Variants in WDFY3 observed in about 807,000 individuals in gnomAD.
The protein encoded by WDFY3 is WD repeat and FYVE domain-containing protein 3.
A neutral mutation model predicts 409.6 loss-of-function variants in WDFY3; 66 were observed. The observed-to-expected ratio is 0.16, with a 90% confidence interval of 0.13 to 0.20. The LOEUF is 0.20. Among genes scored for constraint, WDFY3 ranks in the 10% least tolerant of loss-of-function variants. The pLI, the probability that WDFY3 is intolerant of heterozygous loss-of-function variation, is 1.00. For synonymous variants in WDFY3, 1,521 were observed against 1,537.1 expected (o/e 0.99, Z 0.25); for missense variants, 3,031 against 4,298.1 (o/e 0.71, Z 8.24).
chr4:84,720,567 C>A (rs531746142), intron 47 of WDFY3, among the ~76,000 whole-genome samples: 12 of 152,014 alleles, frequency 7.9e-5, no homozygotes, highest in Non-Finnish European at 1.6e-4. Context: ...GTTGTCCTGG[C>A]GGTAATGAGT....
At chr4:84,901,889 T>C (rs956816998) in intron 2 of WDFY3, among the ~76,000 whole-genome samples, 13 of 152,360 alleles carry the variant, frequency 8.5e-5, no homozygotes, top group Non-Finnish European at 4.4e-5. Flanking sequence ...CAGGTTGATA[T>C]CTGAGGGTGA....
chr4:84,791,316 C>A (rs147241368), intron 21 of WDFY3, among the ~76,000 whole-genome samples: 1 of 152,108 alleles, frequency 6.6e-6, no homozygotes, highest in Admixed American at 6.6e-5. Flanking sequence ...ACATATACTG[C>A]GTGACTCCAC....
chr4:84,863,111 G>A (rs1487040054), intron 3 of WDFY3, among the ~76,000 whole-genome samples: 1 of 152,046 alleles, frequency 6.6e-6, no homozygotes, highest in Non-Finnish European at 1.5e-5. Context: ...GCTTTTCTTT[G>A]TCATTCTTCT....
At chr4:84,673,190 G>A (rs1725703256) in intron 67 of WDFY3, among the ~76,000 whole-genome samples, 199 bp from the exon 68 acceptor site, 1 of 151,988 alleles carries the variant, frequency 6.6e-6, no homozygotes, top group South Asian at 2.1e-4. Context: ...ATTAAACCAG[G>A]GAAGCTATTT....
intron 13 of WDFY3, 94 bp from the exon 14 acceptor site, chr4:84,810,438 T>C (rs1247977274): frequency 9.5e-7 from 1 of 1,054,908 alleles, no homozygotes; most frequent in East Asian, 2.7e-5. Context: ...GTACATTCTG[T>C]GAATCTGACA....
intron 2 of WDFY3, among the ~76,000 whole-genome samples, chr4:84,901,247 C>A (rs1450779541): frequency 1.3e-5 from 2 of 151,956 alleles, no homozygotes; most frequent in African/African-American, 4.9e-5. Context: ...CCAAAACTCA[C>A]GTTGAAATTT....
At chr4:84,906,645 C>T (rs1280276838) in intron 2 of WDFY3, among the ~76,000 whole-genome samples, 1 of 152,112 alleles carries the variant, frequency 6.6e-6, no homozygotes, top group Non-Finnish European at 1.5e-5. Flanking sequence ...AACCTATGCA[C>T]ATTTTCCTGT....
Position 84,822,590 on chromosome 4 carries a change from T to TCAGGAGGCTGAGG in WDFY3, c.1124-1052_1124-1040dup, listed in dbSNP as rs563521919. 4.2e-3 allele frequency among the ~76,000 whole-genome samples: 641 copies of TCAGGAGGCTGAGG among 152,150 alleles called. 5 individuals are homozygous for TCAGGAGGCTGAGG. The highest frequency in any genetic ancestry group is 0.014 in the African/African-American group (599 of 41,500). ...GGCATGTGCCTGTAGTTCTAGCTAC[T>TCAGGAGGCTGAGG]CAGGAGGCTGAGGCAGGAGGCTGAG... On this transcript the variant is annotated intron_variant, in intron 10 of 67. Transcript: ENST00000295888.
chr4:84,899,881 T>C (rs908902688), intron 2 of WDFY3, among the ~76,000 whole-genome samples: 2 of 151,540 alleles, frequency 1.3e-5, no homozygotes, highest in East Asian at 1.9e-4. Context: ...CAAAAAAAAA[T>C]TAAAAATTAA....
At chr4:84,930,433 C>T (rs182547688) in intron 2 of WDFY3, among the ~76,000 whole-genome samples, 4 of 152,132 alleles carry the variant, frequency 2.6e-5, no homozygotes, top group Admixed American at 2.6e-4. Context: ...TATAATAATA[C>T]CATGAGCTAC....
chr4:84,759,141 G>C (rs572177562), intron 32 of WDFY3, among the ~76,000 whole-genome samples: 27 of 152,146 alleles, frequency 1.8e-4, no homozygotes, highest in African/African-American at 5.5e-4. Flanking sequence ...TCTGAGGGCT[G>C]TGTTCTGTTC....
At chr4:84,759,230 G>C (rs1223684223) in intron 32 of WDFY3, among the ~76,000 whole-genome samples, 1 of 152,190 alleles carries the variant, frequency 6.6e-6, no homozygotes, top group Non-Finnish European at 1.5e-5. Context: ...TTTGAAATCA[G>C]GTAGGGTGAT....
chr4:84,807,769 AAAGT>A lies in WDFY3; in HGVS notation c.2429+561_2429+564del, dbSNP rs1367386374. ...CTTAGAGATTTACAGAGCACTGATC[AAAGT>A]AAGTATTGGGGTGGGTTTTTTACTA... On this transcript the variant is annotated intron_variant, in intron 15 of 67. Transcript: ENST00000295888. Among the ~76,000 whole-genome samples, 3 of 152,168 alleles carry A rather than the reference AAAGT, an allele frequency of 2.0e-5. No homozygotes were observed. In the East Asian group the frequency reaches 5.8e-4, roughly 29 times the overall value.
In WDFY3 at chr4:84,719,708, C is replaced by T. The variant is rs1450325478; in HGVS notation, c.7606-1138G>A. On this transcript the variant is annotated intron_variant, in intron 47 of 67. Coordinates refer to ENST00000295888, the MANE Select transcript of WDFY3 (RefSeq NM_014991.6). ...AAACACATACATATACACACACACA[C>T]AAAATGTTTATTTCCTAAGTGTATG... Among the ~76,000 whole-genome samples, 9 of 152,046 alleles carry T rather than the reference C, an allele frequency of 5.9e-5. 1 individual carries two copies. The highest frequency in any genetic ancestry group is 5.9e-4 in the Admixed American group (9 of 15,258).
intron 49 of WDFY3, among the ~76,000 whole-genome samples, chr4:84,716,447 A>G (rs928935649): frequency 7.3e-5 from 11 of 150,404 alleles, no homozygotes; most frequent in Non-Finnish European, 1.5e-4. Flanking sequence ...TCAAAAAAAA[A>G]AAAAAAAAAA....
chr4:84,846,137 G>C (rs1758049459), intron 5 of WDFY3, among the ~76,000 whole-genome samples: 1 of 152,094 alleles, frequency 6.6e-6, no homozygotes, highest in Admixed American at 6.5e-5. Flanking sequence ...GATCTTTCAT[G>C]AGGAAGTAAC....
At chr4:84,903,379 G>A (rs1309253308) in intron 2 of WDFY3, among the ~76,000 whole-genome samples, 1 of 152,170 alleles carries the variant, frequency 6.6e-6, no homozygotes, top group Non-Finnish European at 1.5e-5. Context: ...GAATGCAGTA[G>A]CGCAATCTCA....
intron 2 of WDFY3, among the ~76,000 whole-genome samples, chr4:84,898,890 TATC>T (rs1765984632): frequency 6.6e-6 from 1 of 152,178 alleles, no homozygotes; most frequent in Non-Finnish European, 1.5e-5. Flanking sequence ...ACACCTAAGT[TATC>T]ATCAAAAACT....
intron 3 of WDFY3, among the ~76,000 whole-genome samples, chr4:84,874,721 G>C (rs1383178838): frequency 6.6e-6 from 1 of 152,038 alleles, no homozygotes; most frequent in East Asian, 1.9e-4. Context: ...AAATCTCCAG[G>C]CAAGTTTGTT....
Sources: gnomAD v4.1 joint callset for allele counts (sites outside exome capture counted in the v4.1 genomes callset) on GRCh38, gnomAD v4.1.1 for gene constraint, MANE v1.5 for transcripts, NCBI Gene and HGNC (gene_info 2026-07-23, HGNC 2026-07-21) for gene names.